SDK1: variants seen among roughly 807,000 people sequenced by gnomAD.
The protein encoded by SDK1 is sidekick cell adhesion molecule 1, also known as protein sidekick-1.
In SDK1, 157 loss-of-function variants were observed where a neutral mutation model predicts 245.5. The observed-to-expected ratio is 0.64, with a 90% CI of 0.56 to 0.73. SDK1 has a LOEUF of 0.73. Among genes scored for constraint, SDK1 ranks in the 30% least tolerant of loss-of-function variants. The pLI, the probability that SDK1 is intolerant of heterozygous loss-of-function variation, is 0.00. For missense variants in SDK1, 3,583 were observed against 3,002.3 expected, an observed-to-expected ratio of 1.19 and a Z score of -4.52; for synonymous variants, 1,647 against 1,278.5, an observed-to-expected ratio of 1.29 and a Z score of -6.15.
chr7:3,563,450 TA>T (rs1779812679), intron 1 of SDK1, among the ~76,000 whole-genome samples: 1 of 152,140 alleles, frequency 6.6e-6, no homozygotes, highest in African/African-American at 2.4e-5. Context: ...AGTGGTAACT[TA>T]AATATATTAT....
intron 1 of SDK1, among the ~76,000 whole-genome samples, chr7:3,363,753 C>G (rs1781014378): frequency 6.6e-6 from 1 of 152,216 alleles, no homozygotes; most frequent in East Asian, 1.9e-4. Context: ...GCTGATTTGC[C>G]CGGAGGAGCT....
intron 4 of SDK1, among the ~76,000 whole-genome samples, chr7:3,707,397 A>T (rs943347820): frequency 6.6e-6 from 1 of 152,176 alleles, no homozygotes; most frequent in Admixed American, 6.5e-5. Flanking sequence ...ATTTTATTCT[A>T]TTCTGATCAG....
At chr7:4,015,715 A>C (rs1474344422) in intron 16 of SDK1, among the ~76,000 whole-genome samples, 1 of 152,168 alleles carries the variant, frequency 6.6e-6, no homozygotes, top group Non-Finnish European at 1.5e-5. Context: ...TTTGCCCATC[A>C]CGGAATAACG....
At chr7:3,464,765 A>G (rs578108325) in intron 1 of SDK1, among the ~76,000 whole-genome samples, 52 of 151,576 alleles carry the variant, frequency 3.4e-4, no homozygotes, top group Admixed American at 7.9e-4. Context: ...TTCAATTTTG[A>G]CTTATTTTTC....
chr7:3,577,613 C>G (rs1404833158), intron 1 of SDK1, among the ~76,000 whole-genome samples: 1 of 152,042 alleles, frequency 6.6e-6, no homozygotes, highest in African/African-American at 2.4e-5. Flanking sequence ...TTTGCTTCTG[C>G]TCTTTATTGA....
chr7:3,833,210 C>T (rs986841024), intron 5 of SDK1, among the ~76,000 whole-genome samples: 1 of 152,130 alleles, frequency 6.6e-6, no homozygotes, highest in Non-Finnish European at 1.5e-5. Flanking sequence ...CTAAGTCGAA[C>T]TTAAAGAGTA....
At chr7:3,746,596 G>A (rs550826360) in intron 4 of SDK1, among the ~76,000 whole-genome samples, 2 of 152,328 alleles carry the variant, frequency 1.3e-5, no homozygotes, top group East Asian at 3.9e-4. Context: ...TGTGAACAAA[G>A]TTCAGAGTGC....
intron 1 of SDK1, among the ~76,000 whole-genome samples, chr7:3,561,562 G>T (rs1012223433): frequency 6.6e-6 from 1 of 152,174 alleles, no homozygotes; most frequent in Non-Finnish European, 1.5e-5. Flanking sequence ...TCCCTAAATG[G>T]TAGTTACGGG....
rs1418756923 is a variant in SDK1, at chr7:4,129,900, T to C, written c.3940-8T>C. ...CCTGATAACCCTCGTGCTGTGTCGA[T>C]ACCACAGATCCTGTTCCGGGCCAAA... On this transcript the variant is annotated splice_polypyrimidine_tract_variant and splice_region_variant and intron_variant, in intron 26 of 44. Transcript: ENST00000404826. The C allele has an allele frequency of 3.1e-6, 5 of 1,613,390 alleles. No individual in the cohort carries two copies. The highest frequency in any genetic ancestry group is 4.2e-6 in the Non-Finnish European group (5 of 1,179,830).
chr7:3,974,425 T>C lies in SDK1; in HGVS notation c.1874T>C (p.Val625Ala). The change falls in exon 13 of 45, where the codon GTG (valine) becomes GCG (alanine). Residue 625 changes from valine (V) to alanine (A), a missense_variant. Coordinates refer to ENST00000404826, the MANE Select transcript of SDK1 (RefSeq NM_152744.4). ...ACTCCATCGAGCACGTCTAGGATCG[T>C]GGTGGAGAAGGACGGGTCCCTTCTC... ...ALTPSSTSRI[V>A]VEKDGSLLIS... 6.2e-7 allele frequency: 1 copy of C among 1,614,116 alleles called. No homozygotes were observed. Among genetic ancestry groups the C allele is most frequent in the Non-Finnish European group, 8.5e-7 (1 of 1,180,012 alleles).
rs531500438 is a variant in SDK1 at position 3,880,189 on chromosome 7, C to T, written c.847+58606C>T. ...TCCTCAGGGAGATGGATGCGTTCTG[C>T]AACTTCGGGATGGCCAGGTGGGCCT... On this transcript the variant is annotated intron_variant, in intron 5 of 44. Transcript: ENST00000404826. Among the ~76,000 whole-genome samples the T allele has an allele frequency of 2.8e-3, 420 of 152,322 alleles. 3 individuals are homozygous for T. Among genetic ancestry groups the T allele is most frequent in the African/African-American group, 9.8e-3 (406 of 41,568 alleles).
At chr7:3,414,141 C>A (rs1454473011) in intron 1 of SDK1, among the ~76,000 whole-genome samples, 1 of 151,996 alleles carries the variant, frequency 6.6e-6, no homozygotes, top group Non-Finnish European at 1.5e-5. Context: ...ATTTGTATGC[C>A]TTATGGGTGA....
chr7:3,958,952 A>G lies in SDK1; in HGVS notation c.1172A>G (p.Glu391Gly). ...GAAGAGCCACCATATTTTACTGCTG[A>G]GCCCGAGAGTCGGATTTCAGCTGAA... ...FIIEPPYFTA[E>G]PESRISAEVE... The change falls in exon 8 of 45, where the codon GAG becomes GGG. Residue 391 changes from glutamate (E) to glycine (G), a missense_variant. Glu to Gly is a moderately conservative substitution (Grantham distance 98, BLOSUM62 -2). Transcript: ENST00000404826. The G allele has an allele frequency of 6.2e-7, 1 of 1,614,052 alleles. No individual in the cohort carries two copies. Among genetic ancestry groups the G allele is most frequent in the Non-Finnish European group, 8.5e-7 (1 of 1,179,958 alleles).
chr7:4,195,855 C>T (rs1262016428), intron 35 of SDK1, among the ~76,000 whole-genome samples: 1 of 152,176 alleles, frequency 6.6e-6, no homozygotes, highest in Non-Finnish European at 1.5e-5. Context: ...ACGGTGGCAA[C>T]AAGCCTGCTA....
intron 1 of SDK1, among the ~76,000 whole-genome samples, chr7:3,474,087 T>C (rs1380452161): frequency 7.6e-6 from 1 of 131,032 alleles, no homozygotes; most frequent in African/African-American, 2.9e-5. Context: ...CTCTACCAGA[T>C]GGTGTTTTTT....
chr7:4,070,343 A>G (rs1296860041), intron 20 of SDK1, among the ~76,000 whole-genome samples: 5 of 152,176 alleles, frequency 3.3e-5, no homozygotes, highest in African/African-American at 1.2e-4. Flanking sequence ...AACATCCACC[A>G]AAAACTCTGC....
At chr7:4,170,033 C>T (rs1197856142) in intron 32 of SDK1, among the ~76,000 whole-genome samples, 1 of 152,226 alleles carries the variant, frequency 6.6e-6, no homozygotes, top group Non-Finnish European at 1.5e-5. Flanking sequence ...TCTCTTCAGT[C>T]TCACATACCG....
At chr7:3,495,243 A>G (rs1173689650) in intron 1 of SDK1, among the ~76,000 whole-genome samples, 1 of 147,890 alleles carries the variant, frequency 6.8e-6, no homozygotes, top group East Asian at 2.0e-4. Context: ...GCTGGAAAGC[A>G]TAATGGTTCT....
intron 1 of SDK1, among the ~76,000 whole-genome samples, chr7:3,429,535 G>C (rs1779771529): frequency 6.6e-6 from 1 of 151,724 alleles, no homozygotes; most frequent in Non-Finnish European, 1.5e-5. Context: ...ATGGACCTTG[G>C]AATGTAATTT....
Sources: gnomAD v4.1 joint callset for allele counts (sites outside exome capture counted in the v4.1 genomes callset) on GRCh38, gnomAD v4.1.1 for gene constraint, MANE v1.5 for transcripts, NCBI Gene and HGNC (gene_info 2026-07-23, HGNC 2026-07-21) for gene names.